Variants in RYR3 observed in about 807,000 individuals in gnomAD.
RYR3 encodes the protein brain ryanodine receptor-calcium release channel.
A neutral mutation model predicts 584.3 loss-of-function variants in RYR3; 207 were observed. That is an observed-to-expected ratio of 0.35 (90% CI 0.32 to 0.40). The LOEUF (loss-of-function observed/expected upper bound fraction) is 0.40. Among genes scored for constraint, RYR3 ranks in the 10% least tolerant of loss-of-function variants. The probability of loss-of-function intolerance (pLI) is 1.00; values close to 1 mark genes in which losing one functional copy is unlikely to be tolerated. For missense variants in RYR3, 5,616 were observed against 6,089.2 expected (o/e 0.92, Z 2.59); for synonymous variants, 2,416 against 2,248.5 (o/e 1.07, Z -2.11).
intron 102 of RYR3, among the ~76,000 whole-genome samples, chr15:33,863,881 GCAAGTGATCTTAC>G (rs1889447451): frequency 6.6e-6 from 1 of 152,172 alleles, no homozygotes; most frequent in Non-Finnish European, 1.5e-5. Context: ...ATGCTACCTT[GCAAGTGATCTTAC>G]TTAGTTCAAG....
intron 38 of RYR3, among the ~76,000 whole-genome samples, chr15:33,676,612 C>T (rs1333741728): frequency 6.6e-6 from 1 of 151,650 alleles, no homozygotes; most frequent in East Asian, 1.9e-4. Flanking sequence ...AAGGGCAGAA[C>T]TTTACTTTTA....
At chr15:33,847,125 C>T (rs1156389412) in intron 93 of RYR3, 1 of 152,220 alleles carries the variant, frequency 6.6e-6, no homozygotes, top group Non-Finnish European at 1.5e-5. Flanking sequence ...ACACGGCAGG[C>T]ATTAGTCGCT....
chr15:33,702,656 G>A (rs1417476503), intron 42 of RYR3, among the ~76,000 whole-genome samples: 2 of 152,112 alleles, frequency 1.3e-5, no homozygotes, highest in Non-Finnish European at 2.9e-5. Context: ...AGCTCTCTGA[G>A]CTGCAGATAG....
chr15:33,672,289 T>A (rs1161188183), intron 38 of RYR3, among the ~76,000 whole-genome samples: 1 of 152,188 alleles, frequency 6.6e-6, no homozygotes, highest in Non-Finnish European at 1.5e-5. Context: ...AGGATTGCAG[T>A]CTGCAGCCCC....
chr15:33,334,992 C>T (rs1970791647), intron 1 of RYR3, among the ~76,000 whole-genome samples: 1 of 152,162 alleles, frequency 6.6e-6, no homozygotes. Context: ...CATCTCACAC[C>T]AGTCAGAATG....
chr15:33,812,398 A>G (rs946288196), intron 72 of RYR3, among the ~76,000 whole-genome samples: 2 of 152,228 alleles, frequency 1.3e-5, no homozygotes, highest in Non-Finnish European at 1.5e-5. Flanking sequence ...AAATTAAAAC[A>G]TTTAAAGAGA....
chr15:33,754,915 G>C, intron 57 of RYR3, 150 bp from the exon 58 acceptor site: 1 of 608,846 alleles, frequency 1.6e-6, no homozygotes, highest in South Asian at 2.1e-5. Context: ...CCAAGTGAGA[G>C]GGGAAATCAG....
intron 38 of RYR3, among the ~76,000 whole-genome samples, chr15:33,683,592 A>C (rs1452850293): frequency 6.6e-6 from 1 of 152,164 alleles, no homozygotes; most frequent in East Asian, 1.9e-4. Flanking sequence ...TGATTTCTGC[A>C]TTTCCAGATG....
chr15:33,777,745 C>T (rs1012362080), intron 64 of RYR3, among the ~76,000 whole-genome samples: 1 of 151,192 alleles, frequency 6.6e-6, no homozygotes, highest in East Asian at 1.9e-4. Context: ...TCTAGAAATC[C>T]ACTTTCAGGA....
At chr15:33,823,304 C>A (rs544695944) in intron 81 of RYR3, among the ~76,000 whole-genome samples, 2 of 152,172 alleles carry the variant, frequency 1.3e-5, no homozygotes, top group Non-Finnish European at 2.9e-5. Context: ...CACGCTCCCC[C>A]ACTGCTGTTG....
At chr15:33,439,485 T>G (rs2046032367) in intron 1 of RYR3, among the ~76,000 whole-genome samples, 2 of 152,352 alleles carry the variant, frequency 1.3e-5, no homozygotes, top group Admixed American at 6.5e-5. Context: ...TGATTCAATT[T>G]GCCATCATTT....
At position 33,399,491 on chromosome 15, in the gene RYR3, A is replaced by G. The variant is rs115208038; in HGVS notation, c.52-73928A>G. On this transcript the variant is annotated intron_variant, in intron 1 of 103. Transcript: ENST00000634891. ...CTGTCTCTATTAAGATACAAAAAAT[A>G]GCTGGGTGTGGTGGCCGGCGCCTGT... Among the ~76,000 whole-genome samples, 1,368 of 152,248 alleles carry G rather than the reference A, an allele frequency of 9.0e-3. 22 individuals carry two copies. The highest frequency in any genetic ancestry group is 0.031 in the African/African-American group (1,302 of 41,548).
At chr15:33,499,884 T>A (rs921210859) in intron 2 of RYR3, among the ~76,000 whole-genome samples, 3 of 152,180 alleles carry the variant, frequency 2.0e-5, no homozygotes, top group African/African-American at 7.2e-5. Context: ...CACTGAGGCA[T>A]GACTGTGTAT....
chr15:33,462,628 TA>T (rs1342140102), intron 1 of RYR3, among the ~76,000 whole-genome samples: 3 of 151,710 alleles, frequency 2.0e-5, no homozygotes, highest in African/African-American at 7.3e-5. Flanking sequence ...TAAATTGACT[TA>T]AAAATAAATA....
chr15:33,336,461 AG>A lies in RYR3; in HGVS notation c.51+25366del, dbSNP rs1567046622. 1.4e-4 allele frequency among the ~76,000 whole-genome samples: 3 copies of A among 21,482 alleles called. 1 individual carries two copies. Among genetic ancestry groups the A allele is most frequent in the Admixed American group, 7.4e-4 (2 of 2,690 alleles). 14.1% of individuals were successfully genotyped at this position (21,482 alleles called of 152,430 possible). On this transcript the variant is annotated intron_variant, in intron 1 of 103. Coordinates refer to ENST00000634891, the MANE Select transcript of RYR3 (RefSeq NM_001036.6). ...AAGAAAGAGAGAGAGAGAGAGAGAG[AG>A]AGAGAGAGAGAGAGAGAGAGAGAGA...
chr15:33,562,369 A>G (rs1485014421), intron 10 of RYR3, among the ~76,000 whole-genome samples: 1 of 152,244 alleles, frequency 6.6e-6, no homozygotes. Context: ...GCAGGTTTTT[A>G]TAAGAAATTT....
chr15:33,442,502 A>G (rs1432925430), intron 1 of RYR3, among the ~76,000 whole-genome samples: 1 of 152,226 alleles, frequency 6.6e-6, no homozygotes, highest in Non-Finnish European at 1.5e-5. Context: ...TCGGTATGCA[A>G]TGGTTTTCTG....
intron 19 of RYR3, among the ~76,000 whole-genome samples, chr15:33,618,135 A>G (rs548604975): frequency 1.3e-5 from 2 of 152,218 alleles, no homozygotes; most frequent in East Asian, 1.9e-4. Flanking sequence ...AGAAAGCCAT[A>G]GTATATAGTG....
intron 12 of RYR3, among the ~76,000 whole-genome samples, chr15:33,571,755 C>G (rs1180842428): frequency 1.3e-5 from 2 of 152,114 alleles, no homozygotes; most frequent in African/African-American, 2.4e-5. Flanking sequence ...CTGACAATCT[C>G]TCCCTTTCAT....
Sources: gnomAD v4.1 joint callset for allele counts (sites outside exome capture counted in the v4.1 genomes callset) on GRCh38, gnomAD v4.1.1 for gene constraint, MANE v1.5 for transcripts, NCBI Gene and HGNC (gene_info 2026-07-23, HGNC 2026-07-21) for gene names.